The following PAX5 variants were observed in gnomAD, a reference collection of about 807,000 sequenced individuals.
PAX5 encodes paired box 5.
Under a neutral mutation model 43.7 loss-of-function variants are expected in PAX5, and 9 were observed. The observed-to-expected ratio is 0.21, with a 90% CI of 0.12 to 0.36. PAX5 has a LOEUF of 0.36. Among genes scored for constraint, PAX5 ranks in the 10% least tolerant of loss-of-function variants. The pLI is 1.00. For missense variants in PAX5, 383 were observed against 532.7 expected (o/e 0.72, Z 2.77); for synonymous variants, 228 against 214.3 (o/e 1.06, Z -0.56).
At chr9:36,896,045 T>C (rs1827833211) in intron 7 of PAX5, among the ~76,000 whole-genome samples, 1 of 152,158 alleles carries the variant, frequency 6.6e-6, no homozygotes, top group South Asian at 2.1e-4. Flanking sequence ...CCTGTGCACC[T>C]GATGCCCAAC....
At chr9:36,880,302 A>T (rs1248904026) in intron 8 of PAX5, among the ~76,000 whole-genome samples, 2 of 152,154 alleles carry the variant, frequency 1.3e-5, no homozygotes, top group Admixed American at 6.5e-5. Flanking sequence ...CTCCGTCCAC[A>T]CTCTCGACAG....
At chr9:36,849,122 T>C (rs866812154) in intron 8 of PAX5, among the ~76,000 whole-genome samples, 1 of 152,224 alleles carries the variant, frequency 6.6e-6, no homozygotes, top group Non-Finnish European at 1.5e-5. Flanking sequence ...GAATCCGTTG[T>C]ACGTGGGCAT....
intron 6 of PAX5, among the ~76,000 whole-genome samples, chr9:36,951,179 G>A (rs979560339): frequency 1.2e-4 from 19 of 152,176 alleles, no homozygotes; most frequent in African/African-American, 4.6e-4. Flanking sequence ...TTCCTTCCAG[G>A]AGTTCAAAAA....
intron 7 of PAX5, among the ~76,000 whole-genome samples, chr9:36,894,154 C>T (rs11999298): frequency 0.059 from 9,040 of 152,214 alleles, 316 homozygotes; most frequent in Middle Eastern, 0.099. Flanking sequence ...AATCCAAAGA[C>T]GCCTCATGTT....
chr9:37,005,813 C>T (rs1436516917), intron 4 of PAX5, among the ~76,000 whole-genome samples: 2 of 152,292 alleles, frequency 1.3e-5, no homozygotes, highest in East Asian at 1.9e-4. Context: ...AAATAATACA[C>T]CTTAAATAGA....
intron 5 of PAX5, among the ~76,000 whole-genome samples, chr9:36,974,116 G>C (rs553126384): frequency 5.8e-4 from 88 of 152,272 alleles, no homozygotes; most frequent in African/African-American, 2.0e-3. Context: ...GGAGTTCAAG[G>C]CTTCAGTGAG....
At position 36,856,844 on chromosome 9, in the gene PAX5, T is replaced by C. The variant is rs563868919; in HGVS notation, c.1013-9915A>G. Among the ~76,000 whole-genome samples, 81 of 152,304 alleles carry C rather than the reference T, an allele frequency of 5.3e-4. 1 individual carries two copies. The highest frequency in any genetic ancestry group is 1.5e-4 in the Non-Finnish European group (10 of 68,026). ...CCAGACTGAAGCCGGATTACAAAGA[T>C]AGGAAGGCTCTAGGTTTTGTCCTTA... On this transcript the variant is annotated intron_variant, in intron 8 of 9. Coordinates refer to ENST00000358127, the MANE Select transcript of PAX5 (RefSeq NM_016734.3).
chr9:36,936,018 A>C (rs908523555), intron 6 of PAX5, among the ~76,000 whole-genome samples: 1 of 152,332 alleles, frequency 6.6e-6, no homozygotes, highest in South Asian at 2.1e-4. Flanking sequence ...ACTGATTCAT[A>C]CTGTTCTCAC....
chr9:36,989,477 G>T (rs1836744004), intron 5 of PAX5, among the ~76,000 whole-genome samples: 2 of 132,572 alleles, frequency 1.5e-5, no homozygotes, highest in South Asian at 5.3e-4. Flanking sequence ...TATTACATGA[G>T]TTAATAATTT....
chr9:36,867,981 G>A (rs1244386280), intron 8 of PAX5, among the ~76,000 whole-genome samples: 5 of 152,188 alleles, frequency 3.3e-5, no homozygotes, highest in African/African-American at 4.8e-5. Flanking sequence ...GTCACCCCGC[G>A]TTCCCGGCCC....
intron 7 of PAX5, among the ~76,000 whole-genome samples, chr9:36,896,142 G>C (rs79205620): frequency 0.022 from 3,406 of 152,146 alleles, 107 homozygotes; most frequent in African/African-American, 0.077. Flanking sequence ...CTTTGTCCAG[G>C]ACCGGCTGAC....
chr9:37,003,154 T>TAAAAA (rs67081521), intron 4 of PAX5, among the ~76,000 whole-genome samples: 1 of 75,848 alleles, frequency 1.3e-5, no homozygotes, highest in African/African-American at 5.4e-5. Flanking sequence ...AGTCAGTGCT[T>TAAAAA]AAAAAAAAAA....
chr9:36,923,618 A>G, intron 6 of PAX5, 134 bp from the exon 7 acceptor site: 1 of 967,578 alleles, frequency 1.0e-6, no homozygotes, highest in Non-Finnish European at 1.5e-6. Flanking sequence ...GGGGCTCATG[A>G]ACACTTCCAG....
intron 6 of PAX5, among the ~76,000 whole-genome samples, chr9:36,950,698 G>T (rs1185059069): frequency 6.7e-6 from 1 of 149,640 alleles, no homozygotes; most frequent in African/African-American, 2.4e-5. Flanking sequence ...GAGCCCTTTT[G>T]AGATCAGATC....
At chr9:37,023,947 C>A (rs1840073109) in intron 1 of PAX5, among the ~76,000 whole-genome samples, 1 of 152,154 alleles carries the variant, frequency 6.6e-6, no homozygotes, top group African/African-American at 2.4e-5. Context: ...TATGTGTATA[C>A]CCACTGCCCT....
At chr9:36,925,406 G>A (rs1830569587) in intron 6 of PAX5, among the ~76,000 whole-genome samples, 1 of 152,160 alleles carries the variant, frequency 6.6e-6, no homozygotes, top group Non-Finnish European at 1.5e-5. Flanking sequence ...ATCAGGAATC[G>A]CTACAGAGCT....
intron 6 of PAX5, among the ~76,000 whole-genome samples, chr9:36,953,800 C>T (rs187760323): frequency 6.6e-6 from 1 of 152,292 alleles, no homozygotes; most frequent in African/African-American, 2.4e-5. Context: ...TGGCCAGGTG[C>T]AGTAGCTCAC....
rs1168927854 is a variant in PAX5 at position 36,835,138 on chromosome 9, G to T, written c.*5422C>A. 4.3e-6 allele frequency: 1 copy of T among 233,198 alleles called. No individual in the cohort carries two copies. Among genetic ancestry groups the T allele is most frequent in the African/African-American group, 2.2e-5 (1 of 45,330 alleles). The allele number at this position is 233,198 out of a possible 1,614,324, so 14.4% of individuals were successfully genotyped here. On this transcript the variant is annotated 3_prime_UTR_variant, in exon 10 of 10. Coordinates refer to ENST00000358127, the MANE Select transcript of PAX5 (RefSeq NM_016734.3). ...TGCATTTTCTCCTTGTGTTGCTCAG[G>T]GGTCTAAGATGTGGGAACAAGAATT...
intron 8 of PAX5, among the ~76,000 whole-genome samples, chr9:36,866,565 G>C (rs1342929443): frequency 6.6e-6 from 1 of 152,148 alleles, no homozygotes; most frequent in Non-Finnish European, 1.5e-5. Context: ...TGGGGGTCTC[G>C]ATTTGTGTTG....
Sources: allele counts gnomAD v4.1 joint callset (sites outside exome capture counted in the v4.1 genomes callset), GRCh38; gene constraint gnomAD v4.1.1; transcripts MANE v1.5; gene names NCBI Gene and HGNC (gene_info 2026-07-23, HGNC 2026-07-21).